The following SLCO6A1 variants were observed in gnomAD, a reference collection of about 807,000 sequenced individuals.
SLCO6A1 encodes the protein solute carrier organic anion transporter family member 6A1.
SLCO6A1 carries 65 observed loss-of-function variants against 72.7 expected under a neutral mutation model. That is an observed-to-expected ratio of 0.89 (90% CI 0.73 to 1.10). The LOEUF (loss-of-function observed/expected upper bound fraction) is 1.10. SLCO6A1 is among the 50% of genes least tolerant of loss of function. SLCO6A1 has a pLI of 0.00. For missense variants in SLCO6A1, 874 were observed against 872.6 expected, an observed-to-expected ratio of 1.00 and a Z score of -0.02; for synonymous variants, 314 against 298.2, an observed-to-expected ratio of 1.05 and a Z score of -0.55.
At chr5:102,466,761 T>G (rs893860796) in intron 4 of SLCO6A1, among the ~76,000 whole-genome samples, 1 of 152,188 alleles carries the variant, frequency 6.6e-6, no homozygotes, top group Non-Finnish European at 1.5e-5. Context: ...TGCATTTCTC[T>G]AATGATTAGT....
chr5:102,483,698 A>G (rs553565801), intron 1 of SLCO6A1, among the ~76,000 whole-genome samples: 58 of 152,308 alleles, frequency 3.8e-4, no homozygotes, highest in Non-Finnish European at 5.3e-4. Flanking sequence ...GGTGAGGCCA[A>G]TTCAATGTCT....
At chr5:102,377,262 T>C (rs1446005862) in intron 12 of SLCO6A1, among the ~76,000 whole-genome samples, 1 of 152,180 alleles carries the variant, frequency 6.6e-6, no homozygotes, top group Non-Finnish European at 1.5e-5. Flanking sequence ...CTGTAGCATA[T>C]TCACAAATTG....
chr5:102,458,446 A>G lies in SLCO6A1; in HGVS notation c.1067T>C (p.Phe356Ser), dbSNP rs201792096. ...TTTCAGATCTTTAAGTCTGCTGTCA[A>G]AAAAATGAAGCTGTTTACGTTTCCT... is the stretch of plus-strand genomic sequence containing the variant. ...KARKRKQLHF[F>S]DSRLKDLKLG... The change falls in exon 6 of 14, where the codon TTT becomes TCT. Residue 356 changes from phenylalanine (F) to serine (S), a missense_variant. Transcript: ENST00000506729. 6.2e-7 allele frequency: 1 copy of G among 1,613,100 alleles called. No individual in the cohort carries two copies. The highest frequency in any genetic ancestry group is 2.2e-5 in the East Asian group (1 of 44,750).
chr5:102,398,878 T>A (rs1468518499), intron 10 of SLCO6A1, among the ~76,000 whole-genome samples: 1 of 152,088 alleles, frequency 6.6e-6, no homozygotes, highest in African/African-American at 2.4e-5. Flanking sequence ...ATGGAATAGA[T>A]CTTATAGTAC....
chr5:102,491,337 T>A (rs1752665614), intron 1 of SLCO6A1, among the ~76,000 whole-genome samples: 1 of 152,218 alleles, frequency 6.6e-6, no homozygotes, highest in South Asian at 2.1e-4. Flanking sequence ...ACCCAGTGGA[T>A]CCCCTACCGG....
chr5:102,393,800 C>T (rs1562960), intron 10 of SLCO6A1, among the ~76,000 whole-genome samples: 98,394 of 151,924 alleles, frequency 0.65, 32,070 homozygotes, highest in African/African-American at 0.67. Context: ...GTTAAAATAA[C>T]GAAGACAGAA....
chr5:102,390,862 C>T (rs1746715952), intron 11 of SLCO6A1, 119 bp downstream of exon 11: 1 of 782,178 alleles, frequency 1.3e-6, no homozygotes. Flanking sequence ...AAGCAGCTCC[C>T]CCTTTCACTC....
intron 1 of SLCO6A1, among the ~76,000 whole-genome samples, chr5:102,491,677 G>C (rs185539846): frequency 2.6e-5 from 4 of 152,350 alleles, no homozygotes; most frequent in African/African-American, 9.6e-5. Flanking sequence ...CCCAGAACTC[G>C]TGCTGGCCCG....
chr5:102,413,205 T>G, intron 8 of SLCO6A1, 62 bp from the exon 9 acceptor site: 1 of 1,436,002 alleles, frequency 7.0e-7, no homozygotes, highest in Non-Finnish European at 9.3e-7. Flanking sequence ...GATGCAAATG[T>G]CAAGATATCA....
intron 9 of SLCO6A1, among the ~76,000 whole-genome samples, chr5:102,404,520 C>G (rs1039841945): frequency 1.2e-4 from 18 of 151,588 alleles, no homozygotes; most frequent in African/African-American, 4.4e-4. Context: ...AAACAAAAAA[C>G]AAAAAAAGAA....
rs1246886744 is a variant in SLCO6A1 at position 102,480,417 on chromosome 5, T to C, written c.376A>G (p.Ile126Val). 3 of 1,612,542 alleles carry C rather than the reference T, an allele frequency of 1.9e-6. No homozygotes were observed. The highest frequency in any genetic ancestry group is 1.3e-5 in the African/African-American group (1 of 74,846). Residue 126 changes from isoleucine (I) to valine (V), a missense_variant, in exon 2 of 14, where the codon ATA becomes GTA. By Grantham distance (29) the Ile-to-Val change is conservative (BLOSUM62 3). Transcript: ENST00000506729. ...TGAAAATCGCCAATGCTGACATCTA[T>C]AAGACCAAACACCACACCTAAAATG... ...LICQGVVFGL[I>V]DVSIGDFQKE...
intron 7 of SLCO6A1, 139 bp downstream of exon 7, chr5:102,438,478 G>A (rs1342813089): frequency 3.3e-6 from 2 of 611,098 alleles, no homozygotes; most frequent in Non-Finnish European, 5.1e-6. Context: ...TGATGGCAAA[G>A]TGCTCATATT....
intron 12 of SLCO6A1, among the ~76,000 whole-genome samples, chr5:102,382,680 T>C (rs913699161): frequency 3.3e-5 from 5 of 151,504 alleles, no homozygotes; most frequent in African/African-American, 1.2e-4. Context: ...CTTATGATTT[T>C]CAACATACAG....
intron 7 of SLCO6A1, among the ~76,000 whole-genome samples, chr5:102,426,269 G>A (rs1279715670): frequency 4.6e-5 from 7 of 152,140 alleles, no homozygotes; most frequent in Admixed American, 6.5e-5. Context: ...ATTGACAAAT[G>A]GAATCTAATT....
At chr5:102,397,983 C>T (rs1178595242) in intron 10 of SLCO6A1, among the ~76,000 whole-genome samples, 1 of 152,106 alleles carries the variant, frequency 6.6e-6, no homozygotes, top group African/African-American at 2.4e-5. Flanking sequence ...CTGCTGGAAA[C>T]ATTGAATGTT....
At position 102,491,443 on chromosome 5, in the gene SLCO6A1, C is replaced by T. The variant is rs562768817; in HGVS notation, c.358+7044G>A. On this transcript the variant is annotated intron_variant, in intron 1 of 13. Coordinates refer to ENST00000506729, the MANE Select transcript of SLCO6A1 (RefSeq NM_173488.5). ...GGACTGGGCACCGTGGAGCAGGGGGCGGCACTCGTTGGGGAGGCTTGGGCC... is the reference window on the plus strand; with the variant it reads ...GGACTGGGCACCGTGGAGCAGGGGGTGGCACTCGTTGGGGAGGCTTGGGCC... Among the ~76,000 whole-genome samples the T allele has an allele frequency of 9.9e-4, 151 of 152,286 alleles. 1 individual carries two copies. Among genetic ancestry groups the T allele is most frequent in the South Asian group, 3.5e-3 (17 of 4,826 alleles).
intron 7 of SLCO6A1, among the ~76,000 whole-genome samples, chr5:102,427,854 ATATATATATAT>A (rs1460654309): frequency 9.9e-5 from 12 of 120,946 alleles, no homozygotes; most frequent in African/African-American, 5.0e-4. Context: ...ACATATATAT[ATATATATATAT>A]TTTTTTTTTT....
chr5:102,400,397 A>G (rs1747332115), intron 9 of SLCO6A1, among the ~76,000 whole-genome samples: 1 of 151,866 alleles, frequency 6.6e-6, no homozygotes, highest in Non-Finnish European at 1.5e-5. Context: ...TAATTTCTTT[A>G]TCATTATTAA....
chr5:102,471,321 A>C (rs7356705), intron 4 of SLCO6A1, among the ~76,000 whole-genome samples: 1 of 151,760 alleles, frequency 6.6e-6, no homozygotes, highest in East Asian at 1.9e-4. Context: ...ACATAAATCA[A>C]TAGAGATTTA....
Sources: allele counts gnomAD v4.1 joint callset (sites outside exome capture counted in the v4.1 genomes callset), GRCh38; gene constraint gnomAD v4.1.1; transcripts MANE v1.5; gene names NCBI Gene and HGNC (gene_info 2026-07-23, HGNC 2026-07-21).